SNX13: variants seen among roughly 807,000 people sequenced by gnomAD.
SNX13 encodes the protein sorting nexin 13.
In SNX13, 45 loss-of-function variants were observed where a neutral mutation model predicts 133.6. The ratio of observed to expected loss-of-function variants is 0.34; its 90% CI spans 0.27 to 0.43. The LOEUF is 0.43. Among genes scored for constraint, SNX13 ranks in the 20% least tolerant of loss-of-function variants. The pLI is 1.00. For synonymous variants in SNX13, 414 were observed against 373.9 expected (o/e 1.11, Z -1.24); for missense variants, 1,032 against 1,145.1 (o/e 0.90, Z 1.43).
chr7:17,867,065 C>T (rs1220339977), intron 9 of SNX13, among the ~76,000 whole-genome samples: 1 of 152,136 alleles, frequency 6.6e-6, no homozygotes, highest in Non-Finnish European at 1.5e-5. Context: ...TTGATTATCA[C>T]TTTAAAATAA....
At chr7:17,930,853 T>G (rs889785535) in intron 1 of SNX13, among the ~76,000 whole-genome samples, 1 of 152,224 alleles carries the variant, frequency 6.6e-6, no homozygotes, top group Non-Finnish European at 1.5e-5. Context: ...TAGATTCTCA[T>G]AGGAGCACTA....
At chr7:17,830,094 C>T (rs544339138) in intron 15 of SNX13, 47 bp from the exon 16 acceptor site, 79 of 1,412,218 alleles carry the variant, frequency 5.6e-5, no homozygotes, top group Admixed American at 1.6e-4. Context: ...AACTTTAAAA[C>T]GGTTGCTTTA....
At chr7:17,815,008 T>A in intron 19 of SNX13, 64 bp from the exon 20 acceptor site, 2 of 1,336,988 alleles carry the variant, frequency 1.5e-6, no homozygotes, top group Non-Finnish European at 1.9e-6. Flanking sequence ...GAAATTACCA[T>A]TGTTTATAAT....
intron 5 of SNX13, chr7:17,882,004 G>T (rs1795401551): frequency 6.6e-6 from 1 of 152,080 alleles, no homozygotes; most frequent in African/African-American, 2.4e-5. Context: ...TTAAAATAAT[G>T]AAACTAATTT....
intron 11 of SNX13, among the ~76,000 whole-genome samples, chr7:17,847,217 G>A (rs1423734790): frequency 1.5e-5 from 2 of 137,870 alleles, no homozygotes; most frequent in Non-Finnish European, 3.0e-5. Context: ...TTAAAATAAA[G>A]TTAACCAAAA....
intron 2 of SNX13, among the ~76,000 whole-genome samples, chr7:17,893,970 GA>G (rs11298863): frequency 0.47 from 59,979 of 126,774 alleles, 12,980 homozygotes; most frequent in South Asian, 0.66. Context: ...AGACTGTCTC[GA>G]AAAAAAAAAA....
intron 2 of SNX13, among the ~76,000 whole-genome samples, chr7:17,895,473 G>C: frequency 6.6e-6 from 1 of 152,034 alleles, no homozygotes; most frequent in Middle Eastern, 3.2e-3. Context: ...CACTTGACAA[G>C]AATAAACTAT....
chr7:17,925,381 A>AT (rs1012262234), intron 1 of SNX13, among the ~76,000 whole-genome samples: 4 of 152,298 alleles, frequency 2.6e-5, no homozygotes, highest in African/African-American at 9.6e-5. Context: ...AAGCCGTTGA[A>AT]TTGAATGCTT....
intron 2 of SNX13, among the ~76,000 whole-genome samples, chr7:17,896,097 A>G (rs531674447): frequency 1.6e-4 from 24 of 152,320 alleles, no homozygotes; most frequent in Middle Eastern, 3.4e-3. Flanking sequence ...TGTCGCCTTA[A>G]CTGTGACTGA....
intron 12 of SNX13, among the ~76,000 whole-genome samples, chr7:17,842,634 T>TA (rs1279269180): frequency 3.9e-5 from 6 of 152,026 alleles, no homozygotes; most frequent in South Asian, 2.1e-4. Flanking sequence ...AATACGATTT[T>TA]AAAAAAAATC....
At position 17,925,463 on chromosome 7, in the gene SNX13, C is replaced by T. The variant is rs76779498; in HGVS notation, c.12+14821G>A. 9.9e-3 allele frequency among the ~76,000 whole-genome samples: 1,506 copies of T among 151,974 alleles called. 9 individuals carry two copies. Among genetic ancestry groups the T allele is most frequent in the Non-Finnish European group, 0.016 (1,112 of 67,960 alleles). On this transcript the variant is annotated intron_variant, in intron 1 of 25. Coordinates refer to ENST00000428135, the MANE Select transcript of SNX13 (RefSeq NM_015132.5). ...ACTTTTCAAATTACAACTAAACAACCCAGAGAAGTAAAATACATAAGCAGA... is the reference window on the plus strand; with the variant it reads ...ACTTTTCAAATTACAACTAAACAACTCAGAGAAGTAAAATACATAAGCAGA...
chr7:17,870,245 G>A (rs1356538596), intron 8 of SNX13, among the ~76,000 whole-genome samples: 1 of 152,128 alleles, frequency 6.6e-6, no homozygotes, highest in Non-Finnish European at 1.5e-5. Context: ...CAAGAAAGTA[G>A]AGGCAATTAA....
Position 17,825,672 on chromosome 7 carries a change from C to A in SNX13, c.1705+350G>T, listed in dbSNP as rs138135800. Among the ~76,000 whole-genome samples the A allele has an allele frequency of 4.4e-3, 665 of 152,158 alleles. 2 individuals are homozygous for A. Among genetic ancestry groups the A allele is most frequent in the African/African-American group, 0.015 (639 of 41,530 alleles). On this transcript the variant is annotated intron_variant, in intron 17 of 25. Transcript: ENST00000428135. ...TAGCCTGACTTTGTATATATGAAAA[C>A]TAATCCTGAACTAAGATCTCTCCAG...
chr7:17,855,106 A>C (rs1212194343), intron 9 of SNX13, among the ~76,000 whole-genome samples: 2 of 152,240 alleles, frequency 1.3e-5, no homozygotes, highest in Non-Finnish European at 2.9e-5. Flanking sequence ...ACAGAAAATC[A>C]CACCAGACAC....
intron 18 of SNX13, among the ~76,000 whole-genome samples, chr7:17,818,838 A>G (rs571223965): frequency 7.2e-5 from 11 of 152,344 alleles, no homozygotes; most frequent in Admixed American, 6.5e-4. Context: ...ATTCTGTATT[A>G]AAATAATTCA....
At chr7:17,841,737 C>A (rs943944337) in intron 12 of SNX13, among the ~76,000 whole-genome samples, 2 of 150,944 alleles carry the variant, frequency 1.3e-5, no homozygotes, top group African/African-American at 4.9e-5. Flanking sequence ...TTAAAGATGC[C>A]CAAAAGACTA....
chr7:17,876,430 A>C (rs1378638136), intron 5 of SNX13, among the ~76,000 whole-genome samples: 2 of 152,164 alleles, frequency 1.3e-5, no homozygotes, highest in East Asian at 3.9e-4. Flanking sequence ...ATTACAAAAA[A>C]TTAGCCAGGC....
chr7:17,938,926 A>G (rs1802432412), intron 1 of SNX13, among the ~76,000 whole-genome samples: 1 of 152,242 alleles, frequency 6.6e-6, no homozygotes, highest in African/African-American at 2.4e-5. Context: ...ACTGCTAATC[A>G]CAACACAAAC....
chr7:17,892,500 G>GT (rs967271206), intron 3 of SNX13, among the ~76,000 whole-genome samples: 3 of 144,778 alleles, frequency 2.1e-5, no homozygotes, highest in East Asian at 2.0e-4. Flanking sequence ...AGACTTATAA[G>GT]TAAAAAAAAA....
Sources: gnomAD v4.1 joint callset for allele counts (sites outside exome capture counted in the v4.1 genomes callset) on GRCh38, gnomAD v4.1.1 for gene constraint, MANE v1.5 for transcripts, NCBI Gene and HGNC (gene_info 2026-07-23, HGNC 2026-07-21) for gene names.